The following AUTS2 variants were observed in gnomAD, a reference collection of about 807,000 sequenced individuals.
AUTS2 encodes the protein autism susceptibility gene 2 protein.
Under a neutral mutation model 112.4 loss-of-function variants are expected in AUTS2, and 17 were observed. The ratio of observed to expected loss-of-function variants is 0.15; its 90% CI spans 0.10 to 0.23. The LOEUF (loss-of-function observed/expected upper bound fraction) is 0.23, where lower values mean the gene tolerates loss of function less well. AUTS2 is among the 10% of genes least tolerant of loss of function. The probability of loss-of-function intolerance (pLI) is 1.00; values close to 1 mark genes in which losing one functional copy is unlikely to be tolerated. For missense variants in AUTS2, 1,510 were observed against 1,701.6 expected (o/e 0.89, Z 1.98); for synonymous variants, 751 against 702.7 (o/e 1.07, Z -1.09).
intron 1 of AUTS2, among the ~76,000 whole-genome samples, chr7:69,655,466 A>T (rs1378667062): frequency 6.6e-6 from 1 of 152,230 alleles, no homozygotes; most frequent in Non-Finnish European, 1.5e-5. Context: ...TGTCAGCGTC[A>T]TCTGGGAACG....
intron 1 of AUTS2, among the ~76,000 whole-genome samples, chr7:69,853,209 A>G (rs2865805): frequency 6.6e-6 from 1 of 151,904 alleles, no homozygotes; most frequent in African/African-American, 2.4e-5. Flanking sequence ...TAGTTGCTCT[A>G]TCAATTAATT....
chr7:69,684,983 G>A (rs917616), intron 1 of AUTS2, among the ~76,000 whole-genome samples: 108,319 of 152,084 alleles, frequency 0.71, 38,627 homozygotes, highest in East Asian at 0.78. Context: ...GTGTGTACAG[G>A]GACTCATATT....
At chr7:69,891,772 A>ATTTTTTT (rs1794531009) in intron 1 of AUTS2, among the ~76,000 whole-genome samples, 1 of 41,024 alleles carries the variant, frequency 2.4e-5, no homozygotes, top group Non-Finnish European at 5.3e-5. Context: ...CCAGACAGAT[A>ATTTTTTT]TCTTTTTTTT....
At chr7:70,049,773 G>A (rs1035156265) in intron 2 of AUTS2, among the ~76,000 whole-genome samples, 7 of 152,074 alleles carry the variant, frequency 4.6e-5, no homozygotes, top group African/African-American at 1.4e-4. Context: ...AGAGGCTGAG[G>A]CAGGAGGATC....
At chr7:69,766,687 A>G (rs193184105) in intron 1 of AUTS2, among the ~76,000 whole-genome samples, 13 of 152,234 alleles carry the variant, frequency 8.5e-5, no homozygotes, top group Admixed American at 5.2e-4. Flanking sequence ...GCCACTTTCC[A>G]TGGCTCACTT....
chr7:70,065,183 C>A (rs959816077), intron 2 of AUTS2, among the ~76,000 whole-genome samples: 1 of 152,074 alleles, frequency 6.6e-6, no homozygotes, highest in African/African-American at 2.4e-5. Context: ...TTCCTGTGAA[C>A]CCCAACCCTC....
At chr7:69,766,626 T>G (rs547671276) in intron 1 of AUTS2, among the ~76,000 whole-genome samples, 27 of 152,278 alleles carry the variant, frequency 1.8e-4, no homozygotes, top group Non-Finnish European at 1.3e-4. Flanking sequence ...GTAAGTGAAG[T>G]TCTCAGTCAG....
At chr7:70,393,477 G>A (rs1425497154) in intron 4 of AUTS2, among the ~76,000 whole-genome samples, 1 of 152,026 alleles carries the variant, frequency 6.6e-6, no homozygotes, top group Non-Finnish European at 1.5e-5. Flanking sequence ...GCAGAAAATT[G>A]CCTGGCTTGT....
chr7:69,897,540 C>T (rs1794800261), intron 1 of AUTS2, among the ~76,000 whole-genome samples: 1 of 150,998 alleles, frequency 6.6e-6, no homozygotes. Context: ...CCAAAGTCCC[C>T]CATCTCCTGG....
intron 1 of AUTS2, among the ~76,000 whole-genome samples, chr7:69,659,451 A>T (rs1368802511): frequency 1.4e-4 from 19 of 137,910 alleles, no homozygotes; most frequent in East Asian, 4.2e-4. Flanking sequence ...TTGGGAAGCA[A>T]TTTTTTTTTT....
intron 5 of AUTS2, among the ~76,000 whole-genome samples, chr7:70,634,838 A>T (rs1805451131): frequency 6.6e-6 from 1 of 152,206 alleles, no homozygotes; most frequent in Non-Finnish European, 1.5e-5. Context: ...GCAAAGGCAG[A>T]TTGTGAGCTG....
At chr7:70,747,494 T>C (rs1416206470) in intron 6 of AUTS2, among the ~76,000 whole-genome samples, 4 of 152,236 alleles carry the variant, frequency 2.6e-5, no homozygotes, top group Non-Finnish European at 1.5e-5. Flanking sequence ...AGTCTCACTC[T>C]GTCGCCCAGG....
chr7:69,676,363 C>T (rs1417004559), intron 1 of AUTS2, among the ~76,000 whole-genome samples: 1 of 152,204 alleles, frequency 6.6e-6, no homozygotes, highest in Admixed American at 6.5e-5. Context: ...CCATTGAGAT[C>T]ACTTTCTTTA....
chr7:69,908,413 T>C (rs1238169627), intron 2 of AUTS2, among the ~76,000 whole-genome samples: 1 of 152,250 alleles, frequency 6.6e-6, no homozygotes, highest in African/African-American at 2.4e-5. Flanking sequence ...GATATAACTT[T>C]GTTATTTACT....
intron 1 of AUTS2, among the ~76,000 whole-genome samples, chr7:69,649,103 T>C (rs1015642332): frequency 1.3e-5 from 2 of 152,150 alleles, no homozygotes; most frequent in African/African-American, 4.8e-5. Context: ...AGCTGTGGAT[T>C]AATGTCTCTT....
At chr7:70,454,372 T>G (rs1426402030) in intron 5 of AUTS2, among the ~76,000 whole-genome samples, 1 of 151,982 alleles carries the variant, frequency 6.6e-6, no homozygotes. Flanking sequence ...CCGTCTCTAC[T>G]AAAAATACAA....
At chr7:69,877,499 A>T (rs1274880114) in intron 1 of AUTS2, among the ~76,000 whole-genome samples, 1 of 152,162 alleles carries the variant, frequency 6.6e-6, no homozygotes, top group African/African-American at 2.4e-5. Context: ...AGGGATACAC[A>T]TGCAGGGGTG....
chr7:69,851,532 A>T (rs575020018), intron 1 of AUTS2, among the ~76,000 whole-genome samples: 1 of 152,176 alleles, frequency 6.6e-6, no homozygotes, highest in Non-Finnish European at 1.5e-5. Context: ...TTACAGGCGT[A>T]AGCCACTGCG....
chr7:70,777,811 A>G (rs1485572854), intron 14 of AUTS2, among the ~76,000 whole-genome samples: 1 of 152,262 alleles, frequency 6.6e-6, no homozygotes, highest in Non-Finnish European at 1.5e-5. Context: ...TATAGTGACC[A>G]AGAATTAGAA....
Sources: gnomAD v4.1 joint callset for allele counts (sites outside exome capture counted in the v4.1 genomes callset) on GRCh38, gnomAD v4.1.1 for gene constraint, MANE v1.5 for transcripts, NCBI Gene and HGNC (gene_info 2026-07-23, HGNC 2026-07-21) for gene names.